MCUB: variants seen among roughly 807,000 people sequenced by gnomAD.
MCUB encodes the protein mitochondrial calcium uniporter dominant negative subunit beta.
Under a neutral mutation model 41.4 loss-of-function variants are expected in MCUB, and 46 were observed. The ratio of observed to expected loss-of-function variants is 1.11; its 90% CI spans 0.88 to 1.42. The LOEUF (loss-of-function observed/expected upper bound fraction) is 1.42, where lower values mean the gene tolerates loss of function less well. Among genes scored for constraint, MCUB ranks in the 40% most tolerant of loss-of-function variants. The pLI, the probability that MCUB is intolerant of heterozygous loss-of-function variation, is 0.00. For synonymous variants in MCUB, 148 were observed against 148.2 expected, an observed-to-expected ratio of 1.00 and a Z score of 0.01; for missense variants, 403 against 404.9, an observed-to-expected ratio of 1.00 and a Z score of 0.04.
At chr4:109,595,655 C>G (rs1346157006) in intron 1 of MCUB, among the ~76,000 whole-genome samples, 3 of 152,286 alleles carry the variant, frequency 2.0e-5, no homozygotes, top group African/African-American at 7.2e-5. Context: ...CTATATTGGA[C>G]AGCATAGAGA....
chr4:109,684,919 C>A lies in MCUB; in HGVS notation c.816+273C>A, dbSNP rs189657562. The stretch of plus-strand genomic sequence containing the variant: ...TCTGTGCCCTCATTTATAAAAAAAA[C>A]TGAATTTGCATTGCAAAACATTCAG... On this transcript the variant is annotated intron_variant, in intron 6 of 7. Transcript: ENST00000394650. 2.5e-3 allele frequency: 937 copies of A among 372,480 alleles called. 4 individuals carry two copies. The highest frequency in any genetic ancestry group is 0.017 in the African/African-American group (842 of 48,378). 23.1% of individuals were successfully genotyped at this position (372,480 alleles called of 1,614,324 possible).
rs555100175 is a variant in MCUB, at chr4:109,660,215, C to T, written c.196C>T (p.His66Tyr). 65 of 1,563,934 alleles carry T rather than the reference C, an allele frequency of 4.2e-5. No homozygotes were observed. The South Asian group carries it at 4.4e-4, about 11-fold the overall frequency. ...AACAGAAATAACAGTTATTTATAGA[C>T]ATGGCCTTCCCTTGGTAACACTTAC... ...PPDEITVIYR[H>Y]GLPLVTLTLP... Residue 66 changes from histidine to tyrosine, a missense_variant, in exon 3 of 8, where the codon CAT becomes TAT. By Grantham distance (83) the His-to-Tyr change is moderately conservative. Coordinates refer to ENST00000394650, the MANE Select transcript of MCUB (RefSeq NM_017918.5).
rs778927799 is a variant in MCUB at position 109,560,394 on chromosome 4, C to T, written c.57C>T (p.Thr19=). ...WRTRLLPTPG[T]WRPARPWPLP... ...CGCGGCTGCTGCCGACCCCTGGCAC[C>T]TGGCGCCCAGCGCGCCCGTGGCCGC... Residue 19 remains threonine, a synonymous_variant, in exon 1 of 8, where the codon ACC becomes ACT. Transcript: ENST00000394650. 1.1e-5 allele frequency: 15 copies of T among 1,326,144 alleles called. No individual in the cohort carries two copies. The South Asian group carries it at 3.1e-4, about 28-fold the overall frequency. 82.1% of individuals were successfully genotyped at this position (1,326,144 alleles called of 1,614,324 possible).
At chr4:109,618,952 TTCTC>T (rs10557098) in intron 1 of MCUB, among the ~76,000 whole-genome samples, 6,960 of 127,454 alleles carry the variant, frequency 0.055, 463 homozygotes, top group African/African-American at 0.17. Flanking sequence ...AACATTAAAC[TTCTC>T]TCTCTCTCTC....
chr4:109,574,196 A>G (rs1466285740), intron 1 of MCUB, among the ~76,000 whole-genome samples: 1 of 152,144 alleles, frequency 6.6e-6, no homozygotes, highest in African/African-American at 2.4e-5. Flanking sequence ...AAGCTGAGGA[A>G]AAGCAAGATA....
At chr4:109,647,654 G>C (rs1450937942) in intron 1 of MCUB, among the ~76,000 whole-genome samples, 1 of 152,126 alleles carries the variant, frequency 6.6e-6, no homozygotes, top group Non-Finnish European at 1.5e-5. Flanking sequence ...ACATCCATGT[G>C]CAGTTTATTT....
chr4:109,638,505 A>G (rs1248919493), intron 1 of MCUB, among the ~76,000 whole-genome samples: 1 of 151,426 alleles, frequency 6.6e-6, no homozygotes, highest in Admixed American at 6.6e-5. Context: ...TTTTGCTGCT[A>G]GAGGTAGAGG....
chr4:109,560,319 GC>G lies in MCUB; in HGVS notation c.-18del. On this transcript the variant is annotated 5_prime_UTR_variant, in exon 1 of 8. Transcript: ENST00000394650. ...TGCGCCGCTGACGCCTGCGGGAGCC[GC>G]GCGCCTGGGGCGGGAGGATGCTCCA... 8.2e-7 allele frequency: 1 copy of G among 1,219,866 alleles called. No individual in the cohort carries two copies. The highest frequency in any genetic ancestry group is 3.4e-5 in the South Asian group (1 of 29,800). 75.6% of individuals were successfully genotyped at this position (1,219,866 alleles called of 1,614,324 possible).
At chr4:109,684,393 T>TA in intron 5 of MCUB, 50 bp from the exon 6 acceptor site, 1 of 1,426,450 alleles carries the variant, frequency 7.0e-7, no homozygotes, top group South Asian at 1.3e-5. Flanking sequence ...TTTTGTCCCT[T>TA]TAGTTGGTGT....
In MCUB at chr4:109,588,270, C is replaced by T. The variant is rs75646950; in HGVS notation, c.99+27834C>T. On this transcript the variant is annotated intron_variant, in intron 1 of 7. Coordinates refer to ENST00000394650, the MANE Select transcript of MCUB (RefSeq NM_017918.5). ...AAAATATTCATGCTAAAGAATGACA[C>T]GCTGAAGTGAGAGTGAAATTTTGCA... 8.2e-3 allele frequency among the ~76,000 whole-genome samples: 1,244 copies of T among 152,316 alleles called. 16 individuals are homozygous for T. Among genetic ancestry groups the T allele is most frequent in the African/African-American group, 0.028 (1,156 of 41,562 alleles).
At chr4:109,684,943 A>G in intron 6 of MCUB, 1 of 389,498 alleles carries the variant, frequency 2.6e-6, no homozygotes. Context: ...CAAAACATTC[A>G]GTAACATCAG....
intron 1 of MCUB, among the ~76,000 whole-genome samples, chr4:109,571,735 C>T (rs1474240620): frequency 2.6e-5 from 4 of 152,254 alleles, no homozygotes; most frequent in Non-Finnish European, 5.9e-5. Context: ...TTTGTCATCT[C>T]TACATGTGAC....
At chr4:109,629,865 C>T (rs1448366070) in intron 1 of MCUB, among the ~76,000 whole-genome samples, 1 of 152,150 alleles carries the variant, frequency 6.6e-6, no homozygotes, top group African/African-American at 2.4e-5. Context: ...ATTCATTAAA[C>T]GTTTGGCCAT....
rs145247404 is a variant in MCUB, at chr4:109,585,354, G to C, written c.99+24918G>C. Among the ~76,000 whole-genome samples, 859 of 152,252 alleles carry C rather than the reference G, an allele frequency of 5.6e-3. 29 individuals are homozygous for C. In the South Asian group the frequency reaches 0.071, roughly 13 times the overall value. On this transcript the variant is annotated intron_variant, in intron 1 of 7. Transcript: ENST00000394650. ...AGCCTGTGTGTGTCTCTGCATGTGAGATGGGTCTCCTGAATACAGCACACT... is the reference window on the plus strand; with the variant it reads ...AGCCTGTGTGTGTCTCTGCATGTGACATGGGTCTCCTGAATACAGCACACT...
At chr4:109,601,567 T>C (rs936300914) in intron 1 of MCUB, among the ~76,000 whole-genome samples, 2 of 152,160 alleles carry the variant, frequency 1.3e-5, no homozygotes, top group African/African-American at 4.8e-5. Flanking sequence ...AATGACGAGA[T>C]CTCATTCTTT....
At chr4:109,563,276 AT>A (rs1726684524) in intron 1 of MCUB, among the ~76,000 whole-genome samples, 1 of 152,094 alleles carries the variant, frequency 6.6e-6, no homozygotes, top group Non-Finnish European at 1.5e-5. Flanking sequence ...TGTTTAAAAA[AT>A]TTTTACATCA....
At chr4:109,639,645 C>G (rs1728672261) in intron 1 of MCUB, among the ~76,000 whole-genome samples, 1 of 152,174 alleles carries the variant, frequency 6.6e-6, no homozygotes, top group Non-Finnish European at 1.5e-5. Flanking sequence ...CGAGATCATG[C>G]CGTTGCACTA....
chr4:109,676,168 C>T (rs901104264), intron 4 of MCUB, among the ~76,000 whole-genome samples: 6 of 151,946 alleles, frequency 3.9e-5, no homozygotes, highest in East Asian at 3.9e-4. Flanking sequence ...GGTCAGGGCT[C>T]GGAAGAGAAT....
chr4:109,576,032 GA>G lies in MCUB; in HGVS notation c.99+15598del, dbSNP rs1727018630. Among the ~76,000 whole-genome samples, 6 of 152,176 alleles carry G rather than the reference GA, an allele frequency of 3.9e-5. No homozygotes were observed. The South Asian group carries it at 1.2e-3, about 32-fold the overall frequency. The stretch of plus-strand genomic sequence containing the variant: ...TCTCACCTCTGCTGGCTGCTCTTTT[GA>G]ATAGTGGAGTTGTACTTGGGGCCAT... On this transcript the variant is annotated intron_variant, in intron 1 of 7. Transcript: ENST00000394650.
Sources: allele counts gnomAD v4.1 joint callset (sites outside exome capture counted in the v4.1 genomes callset), GRCh38; gene constraint gnomAD v4.1.1; transcripts MANE v1.5; gene names NCBI Gene and HGNC (gene_info 2026-07-23, HGNC 2026-07-21).